RPS6KA2: variants seen among roughly 807,000 people sequenced by gnomAD.
RPS6KA2 encodes ribosomal protein S6 kinase alpha-2.
Under a neutral mutation model 91.8 loss-of-function variants are expected in RPS6KA2, and 42 were observed. That is an observed-to-expected ratio of 0.46 (90% confidence interval 0.36 to 0.59). The LOEUF (loss-of-function observed/expected upper bound fraction) is 0.59. Ranked by LOEUF, RPS6KA2 falls within the 20% of genes least tolerant of loss-of-function variation. The pLI is 0.00. For synonymous variants in RPS6KA2, 414 were observed against 393.6 expected, an observed-to-expected ratio of 1.05 and a Z score of -0.61; for missense variants, 798 against 978.5, an observed-to-expected ratio of 0.82 and a Z score of 2.46.
At chr6:166,797,112 T>C (rs1779246156) in intron 2 of RPS6KA2, among the ~76,000 whole-genome samples, 1 of 152,174 alleles carries the variant, frequency 6.6e-6, no homozygotes, top group African/African-American at 2.4e-5. Context: ...AGACAATCCC[T>C]GGGTTGGAAA....
chr6:166,509,325 T>C (rs3799670), intron 4 of RPS6KA2: 13,806 of 170,192 alleles, frequency 0.081, 697 homozygotes, highest in East Asian at 0.21. Flanking sequence ...TAGCAAGTAA[T>C]GTAAATGACA....
At chr6:166,848,503 C>T (rs1005310233) in intron 2 of RPS6KA2, among the ~76,000 whole-genome samples, 35 of 152,142 alleles carry the variant, frequency 2.3e-4, no homozygotes, top group African/African-American at 8.4e-4. Context: ...GTGGAACCAC[C>T]CCAAATGCCC....
chr6:166,681,696 C>CTCA (rs1562380149), intron 2 of RPS6KA2, among the ~76,000 whole-genome samples: 1 of 74,498 alleles, frequency 1.3e-5, no homozygotes, highest in African/African-American at 6.6e-5. Context: ...GCCCGCCCCC[C>CTCA]CCCCCGCCCC....
chr6:166,573,438 CGTGTTCT>C (rs1387005061), intron 1 of RPS6KA2, among the ~76,000 whole-genome samples: 1 of 152,196 alleles, frequency 6.6e-6, no homozygotes, highest in Admixed American at 6.5e-5. Flanking sequence ...ACCCAGCGCA[CGTGTTCT>C]GATGCAGGAA....
intron 1 of RPS6KA2, among the ~76,000 whole-genome samples, chr6:166,609,644 C>T (rs1161833395): frequency 7.9e-5 from 12 of 151,770 alleles, no homozygotes; most frequent in Middle Eastern, 6.8e-3. Context: ...GGATTACAGG[C>T]GCATGCCACC....
rs1164152026 is a variant in RPS6KA2, at chr6:166,736,590, A to AT, written c.123+121609dup. On this transcript the variant is annotated intron_variant, in intron 2 of 21. Transcript: ENST00000503859. ...TCTTAGGGAAAGTGAAGATCATTCC[A>AT]TTTTTTTTCCTGGCAACAAAAAACC... 1.2e-4 allele frequency among the ~76,000 whole-genome samples: 18 copies of AT among 152,050 alleles called. No homozygotes were observed. The South Asian group carries it at 2.5e-3, about 21-fold the overall frequency.
intron 2 of RPS6KA2, among the ~76,000 whole-genome samples, chr6:166,828,333 C>T (rs1325585554): frequency 6.6e-6 from 1 of 152,216 alleles, no homozygotes; most frequent in African/African-American, 2.4e-5. Context: ...CCCAACTCCA[C>T]ACCCGCCACC....
rs963603910 is a variant in RPS6KA2, at chr6:166,440,742, C to T, written c.1332+7982G>A. 3.3e-5 allele frequency among the ~76,000 whole-genome samples: 5 copies of T among 152,260 alleles called. No individual in the cohort carries two copies. The East Asian group carries it at 7.7e-4, about 24-fold the overall frequency. On this transcript the variant is annotated intron_variant, in intron 14 of 20. Coordinates refer to ENST00000265678, the MANE Select transcript of RPS6KA2 (RefSeq NM_021135.6). Reference sequence around the variant, plus strand: ...GCCACTACTAAAAACAGAATGCTATCGATAGAATGATGTCCTTTGTTTCCA... The same window carrying T: ...GCCACTACTAAAAACAGAATGCTATTGATAGAATGATGTCCTTTGTTTCCA...
At chr6:166,604,550 G>A (rs1785872913) in intron 1 of RPS6KA2, among the ~76,000 whole-genome samples, 1 of 152,224 alleles carries the variant, frequency 6.6e-6, no homozygotes, top group Non-Finnish European at 1.5e-5. Flanking sequence ...CCCAGCTGGG[G>A]GAGGTGGCAT....
intron 10 of RPS6KA2, among the ~76,000 whole-genome samples, chr6:166,470,384 G>A (rs1005110277): frequency 6.6e-6 from 1 of 152,206 alleles, no homozygotes; most frequent in African/African-American, 2.4e-5. Flanking sequence ...ACTGAGTCCC[G>A]GAGGAAGCCA....
At chr6:166,692,747 G>A (rs190737746) in intron 2 of RPS6KA2, among the ~76,000 whole-genome samples, 2 of 152,210 alleles carry the variant, frequency 1.3e-5, no homozygotes, top group East Asian at 1.9e-4. Flanking sequence ...CAAACAACAC[G>A]GCAGGCTCCA....
intron 1 of RPS6KA2, among the ~76,000 whole-genome samples, chr6:166,602,051 G>A (rs953047562): frequency 9.2e-5 from 14 of 152,196 alleles, no homozygotes; most frequent in Non-Finnish European, 2.1e-4. Context: ...AGGAGAACAG[G>A]AACACTGTAT....
intron 10 of RPS6KA2, among the ~76,000 whole-genome samples, chr6:166,475,150 G>A (rs1377060487): frequency 9.3e-6 from 1 of 108,082 alleles, no homozygotes; most frequent in African/African-American, 6.6e-5. Context: ...ATCGTGGGAT[G>A]TGCCCCAGCC....
At chr6:166,715,172 C>T (rs1789976023) in intron 2 of RPS6KA2, among the ~76,000 whole-genome samples, 1 of 152,214 alleles carries the variant, frequency 6.6e-6, no homozygotes, top group Non-Finnish European at 1.5e-5. Flanking sequence ...CCAGGCAGCC[C>T]GAGGCGGGAA....
intron 1 of RPS6KA2, among the ~76,000 whole-genome samples, chr6:166,588,035 A>C (rs1020536016): frequency 1.3e-5 from 2 of 152,216 alleles, no homozygotes; most frequent in African/African-American, 4.8e-5. Flanking sequence ...GACCCCAGTG[A>C]TGGTTAGAGA....
chr6:166,650,243 G>T (rs2128554000), intron 2 of RPS6KA2, among the ~76,000 whole-genome samples: 1 of 151,924 alleles, frequency 6.6e-6, no homozygotes, highest in South Asian at 2.1e-4. Flanking sequence ...GGCCTCCCCT[G>T]GGGTTTCTAT....
intron 1 of RPS6KA2, among the ~76,000 whole-genome samples, chr6:166,577,153 G>A (rs370052709): frequency 9.8e-5 from 15 of 152,338 alleles, no homozygotes; most frequent in African/African-American, 2.6e-4. Flanking sequence ...TATGGAAAAC[G>A]CCTGGATGCC....
chr6:166,664,988 T>A (rs1413360985), intron 2 of RPS6KA2, among the ~76,000 whole-genome samples: 2 of 152,180 alleles, frequency 1.3e-5, no homozygotes, highest in Non-Finnish European at 2.9e-5. Flanking sequence ...CTCACACCTG[T>A]AACCCCAGTA....
At chr6:166,701,641 G>T (rs79682448) in intron 2 of RPS6KA2, 9 of 1,295,390 alleles carry the variant, frequency 6.9e-6, no homozygotes, top group Non-Finnish European at 1.0e-5. Context: ...AGACTGCGGG[G>T]AGGGAGGAGT....
Sources: gnomAD v4.1 joint callset for allele counts (sites outside exome capture counted in the v4.1 genomes callset) on GRCh38, gnomAD v4.1.1 for gene constraint, MANE v1.5 for transcripts, NCBI Gene and HGNC (gene_info 2026-07-23, HGNC 2026-07-21) for gene names.